Variants in NCAM2 observed in about 807,000 individuals in gnomAD.
NCAM2 encodes the protein N-CAM-2.
A neutral mutation model predicts 98.1 loss-of-function variants in NCAM2; 30 were observed. The ratio of observed to expected loss-of-function variants is 0.31; its 90% CI spans 0.23 to 0.41. NCAM2 has a LOEUF of 0.41. NCAM2 is among the 10% of genes least tolerant of loss of function. The pLI, the probability that NCAM2 is intolerant of heterozygous loss-of-function variation, is 1.00. For missense variants in NCAM2, 867 were observed against 1,005.8 expected (o/e 0.86, Z 1.87); for synonymous variants, 368 against 342.4 (o/e 1.07, Z -0.83).
intron 1 of NCAM2, among the ~76,000 whole-genome samples, chr21:21,135,338 G>T (rs893359570): frequency 2.0e-5 from 3 of 151,550 alleles, no homozygotes; most frequent in Non-Finnish European, 4.4e-5. Flanking sequence ...ACCATACCTT[G>T]CCAGTTGTAT....
chr21:21,541,244 T>C lies in NCAM2; in HGVS notation c.*3287T>C, dbSNP rs1469821358. The C allele has an allele frequency of 6.6e-6, 1 of 151,636 alleles. No homozygotes were observed. The highest frequency in any genetic ancestry group is 1.9e-4 in the East Asian group (1 of 5,192). The allele number at this position is 151,636 out of a possible 1,614,324, so 9.4% of individuals were successfully genotyped here. On this transcript the variant is annotated 3_prime_UTR_variant, in exon 18 of 18. Transcript: ENST00000400546. Reference sequence around the variant, plus strand: ...TTAATTAGCATGACAGTCTGCTTTATTAAAAGAAAAAAACTACAATTAACA... The same window carrying C: ...TTAATTAGCATGACAGTCTGCTTTACTAAAAGAAAAAAACTACAATTAACA...
At chr21:21,016,763 T>A (rs1385697280) in intron 1 of NCAM2, among the ~76,000 whole-genome samples, 1 of 152,124 alleles carries the variant, frequency 6.6e-6, no homozygotes, top group African/African-American at 2.4e-5. Context: ...GTTTTACAAA[T>A]AAGGAAATTA....
intron 1 of NCAM2, among the ~76,000 whole-genome samples, chr21:21,271,802 G>A (rs139858769): frequency 3.9e-5 from 6 of 152,098 alleles, no homozygotes; most frequent in Admixed American, 1.3e-4. Context: ...ACTATTTTTT[G>A]TTTGTGTTAT....
chr21:21,176,967 ATAAATGTC>A (rs1601574459), intron 1 of NCAM2, among the ~76,000 whole-genome samples: 1 of 152,214 alleles, frequency 6.6e-6, no homozygotes, highest in East Asian at 1.9e-4. Flanking sequence ...ACACCTAAAT[ATAAATGTC>A]TAGCCTGTAT....
intron 1 of NCAM2, among the ~76,000 whole-genome samples, chr21:21,006,493 A>G (rs1403122100): frequency 1.3e-5 from 2 of 152,206 alleles, no homozygotes; most frequent in Non-Finnish European, 2.9e-5. Flanking sequence ...TGGGTGACAG[A>G]GTGAGACCCC....
In NCAM2 at chr21:21,535,188, CT is replaced by C. The variant is rs1044268569; in HGVS notation, c.2402+533del. ...TCTTGATGTTATTTATTTTGCATCT[CT>C]AATAGCTCTGTTAAAACTATAGTAG... On this transcript the variant is annotated intron_variant, in intron 17 of 17. Coordinates refer to ENST00000400546, the MANE Select transcript of NCAM2 (RefSeq NM_004540.5). 2.4e-4 allele frequency among the ~76,000 whole-genome samples: 36 copies of C among 151,914 alleles called. 1 individual carries two copies. Among genetic ancestry groups the C allele is most frequent in the Non-Finnish European group, 7.4e-5 (5 of 67,932 alleles).
At chr21:21,219,562 T>C (rs550530891) in intron 1 of NCAM2, among the ~76,000 whole-genome samples, 2 of 152,370 alleles carry the variant, frequency 1.3e-5, no homozygotes, top group African/African-American at 4.8e-5. Context: ...ACAAAGCTAC[T>C]GTGTTGCCAG....
intron 1 of NCAM2, among the ~76,000 whole-genome samples, chr21:21,269,071 AG>A (rs1173358443): frequency 6.6e-6 from 1 of 152,122 alleles, no homozygotes; most frequent in African/African-American, 2.4e-5. Flanking sequence ...CTTAAACAAA[AG>A]GTTGTTTCTG....
At chr21:21,245,690 CTGTT>C (rs1410882908) in intron 1 of NCAM2, among the ~76,000 whole-genome samples, 7 of 152,186 alleles carry the variant, frequency 4.6e-5, no homozygotes, top group East Asian at 1.9e-4. Context: ...AGTTCATAAA[CTGTT>C]TGTTTCATAA....
At chr21:21,342,125 G>C (rs1363047483) in intron 8 of NCAM2, among the ~76,000 whole-genome samples, 1 of 152,146 alleles carries the variant, frequency 6.6e-6, no homozygotes, top group Non-Finnish European at 1.5e-5. Context: ...ATGATTAAGA[G>C]TTCACGAGTA....
At chr21:21,425,352 T>A (rs998292590) in intron 11 of NCAM2, among the ~76,000 whole-genome samples, 2 of 152,198 alleles carry the variant, frequency 1.3e-5, no homozygotes, top group African/African-American at 4.8e-5. Context: ...TGTTCACTCT[T>A]CAAAATTTTT....
intron 1 of NCAM2, among the ~76,000 whole-genome samples, chr21:21,073,996 C>T (rs939654166): frequency 1.3e-5 from 2 of 152,104 alleles, no homozygotes; most frequent in African/African-American, 4.8e-5. Context: ...TGATTTCCTC[C>T]CTTAGCTCTT....
chr21:21,400,640 C>CA (rs2076607492), intron 9 of NCAM2, among the ~76,000 whole-genome samples: 1 of 148,636 alleles, frequency 6.7e-6, no homozygotes, highest in Admixed American at 6.7e-5. Flanking sequence ...GGCTGGAGTG[C>CA]ACTGATGCAA....
chr21:21,026,910 G>A (rs1305127399), intron 1 of NCAM2, among the ~76,000 whole-genome samples: 1 of 140,604 alleles, frequency 7.1e-6, no homozygotes, highest in East Asian at 2.1e-4. Context: ...AGACTGGAGT[G>A]CAGTGGTGCA....
At chr21:21,428,260 A>G (rs1765020535) in intron 11 of NCAM2, among the ~76,000 whole-genome samples, 1 of 152,204 alleles carries the variant, frequency 6.6e-6, no homozygotes, top group Non-Finnish European at 1.5e-5. Context: ...AAATATGGTA[A>G]CAATGAAGGA....
chr21:21,001,558 A>G (rs1285235347), intron 1 of NCAM2, among the ~76,000 whole-genome samples: 1 of 152,194 alleles, frequency 6.6e-6, no homozygotes, highest in Non-Finnish European at 1.5e-5. Context: ...TGTATATTCA[A>G]ATTTCCAAAC....
chr21:21,426,120 C>T (rs1014192232), intron 11 of NCAM2, among the ~76,000 whole-genome samples: 3 of 152,028 alleles, frequency 2.0e-5, no homozygotes, highest in African/African-American at 4.8e-5. Flanking sequence ...GGGTGGATGT[C>T]TCATGACTTT....
At chr21:21,440,750 G>T (rs553133793) in intron 12 of NCAM2, among the ~76,000 whole-genome samples, 29 of 151,460 alleles carry the variant, frequency 1.9e-4, no homozygotes, top group Non-Finnish European at 1.9e-4. Context: ...AAAAAGAAAA[G>T]AAAAAAATGG....
intron 12 of NCAM2, 97 bp from the exon 13 acceptor site, chr21:21,466,509 T>C (rs897425406): frequency 1.1e-6 from 1 of 886,996 alleles, no homozygotes; most frequent in African/African-American, 1.8e-5. Flanking sequence ...TCACTCAGAA[T>C]TGTAATAGTT....
Sources: gnomAD v4.1 joint callset for allele counts (sites outside exome capture counted in the v4.1 genomes callset) on GRCh38, gnomAD v4.1.1 for gene constraint, MANE v1.5 for transcripts, NCBI Gene and HGNC (gene_info 2026-07-23, HGNC 2026-07-21) for gene names.